The following PAFAH1B2 variants were observed in gnomAD, a reference collection of about 807,000 sequenced individuals.
The protein encoded by PAFAH1B2 is platelet-activating factor acetylhydrolase IB subunit alpha2.
A neutral mutation model predicts 28.0 loss-of-function variants in PAFAH1B2; 8 were observed. The observed-to-expected ratio is 0.29, with a 90% CI of 0.17 to 0.52. The LOEUF (loss-of-function observed/expected upper bound fraction) is 0.52, where lower values mean the gene tolerates loss of function less well. Ranked by LOEUF, PAFAH1B2 falls within the 20% of genes least tolerant of loss-of-function variation. PAFAH1B2 has a pLI of 0.97. For synonymous variants in PAFAH1B2, 104 were observed against 103.2 expected, an observed-to-expected ratio of 1.01 and a Z score of -0.05; for missense variants, 190 against 282.6, an observed-to-expected ratio of 0.67 and a Z score of 2.35.
In PAFAH1B2 at chr11:117,168,007, C is replaced by T. The variant is rs578119156; in HGVS notation, c.*308C>T. On this transcript the variant is annotated 3_prime_UTR_variant, in exon 6 of 6. Transcript: ENST00000527958. The stretch of plus-strand genomic sequence containing the variant: ...ACTGTTTTCTTGGGACAACATCAAG[C>T]CTAAATACTGAACAATATGAAGATT... The T allele has an allele frequency of 9.3e-5, 100 of 1,077,408 alleles. No homozygotes were observed. The African/African-American group carries it at 1.6e-3, about 17-fold the overall frequency. The allele number at this position is 1,077,408 out of a possible 1,614,324, so 66.7% of individuals were successfully genotyped here.
At chr11:117,162,486 T>A (rs1456732681) in intron 4 of PAFAH1B2, among the ~76,000 whole-genome samples, 3 of 147,394 alleles carry the variant, frequency 2.0e-5, no homozygotes, top group Non-Finnish European at 4.5e-5. Flanking sequence ...ACTTGATGGA[T>A]CAGCGTGGTG....
At position 117,168,446 on chromosome 11, in the gene PAFAH1B2, G is replaced by GTTTGTT. The variant is rs55659804; in HGVS notation, c.*750_*751insGTTTTT. The GTTTGTT allele has an allele frequency of 3.9e-3, 929 of 235,522 alleles. 2 individuals carry two copies. The highest frequency in any genetic ancestry group is 0.012 in the East Asian group (71 of 5,730). 14.6% of individuals were successfully genotyped at this position (235,522 alleles called of 1,614,324 possible). A position where few individuals can be genotyped will look rare whatever the true frequency, so the allele number is the denominator to read the frequency against. Reference sequence around the variant, plus strand: ...TCCCCTTCATTCCCCCCGCCACCCCGTTTTTTTTTTTTTTTTTTTTTTTTT... The same window carrying GTTTGTT: ...TCCCCTTCATTCCCCCCGCCACCCCGTTTGTTTTTTTTTTTTTTTTTTTTTTTTTTT... On this transcript the variant is annotated 3_prime_UTR_variant, in exon 6 of 6. Coordinates refer to ENST00000527958, the MANE Select transcript of PAFAH1B2 (RefSeq NM_002572.4).
chr11:117,167,460 C>G lies in PAFAH1B2; in HGVS notation c.451C>G (p.Gln151Glu). 1 of 1,598,848 alleles carries G rather than the reference C, an allele frequency of 6.3e-7. No individual in the cohort carries two copies. The highest frequency in any genetic ancestry group is 8.6e-7 in the Non-Finnish European group (1 of 1,169,530). ...AGGTGAGAAACCCAATCCTTTGAGG[C>G]AAAAGAACGCCAAGGTGAACCAACT... Reference protein sequence around the residue: ...PRGEKPNPLRQKNAKVNQLLK... With the variant: ...PRGEKPNPLREKNAKVNQLLK... The change falls in exon 6 of 6, where the codon CAA (glutamine) becomes GAA (glutamate). Residue 151 changes from glutamine to glutamate, a missense_variant. Physicochemically the swap from Gln to Glu is conservative, Grantham distance 29. Transcript: ENST00000527958.
intron 2 of PAFAH1B2, among the ~76,000 whole-genome samples, chr11:117,156,933 C>A (rs1956267371): frequency 1.3e-5 from 2 of 151,874 alleles, no homozygotes; most frequent in Admixed American, 1.3e-4. Context: ...CCCTCCCCAG[C>A]CTGAGCCTGG....
Position 117,154,201 on chromosome 11 carries a change from A to G in PAFAH1B2, c.81+1673A>G, listed in dbSNP as rs774175517. On this transcript the variant is annotated intron_variant, in intron 2 of 5. Transcript: ENST00000527958. ...GATCATTTATACCTTTATGAATAGT[A>G]ACTAGGCCAGGAGTAGTGACTCACA... 4.9e-4 allele frequency among the ~76,000 whole-genome samples: 75 copies of G among 152,188 alleles called. 1 individual carries two copies. Among genetic ancestry groups the G allele is most frequent in the Admixed American group, 3.0e-3 (46 of 15,264 alleles).
chr11:117,167,555 G>A lies in PAFAH1B2; in HGVS notation c.546G>A (p.Ser182=), dbSNP rs756569537. The A allele has an allele frequency of 8.1e-6, 13 of 1,612,948 alleles. No individual in the cohort carries two copies. The highest frequency in any genetic ancestry group is 5.5e-5 in the South Asian group (5 of 90,682). Residue 182 remains serine, a synonymous_variant, in exon 6 of 6, where the codon TCG becomes TCA. Transcript: ENST00000527958. Reference sequence around the variant, plus strand: ...ATACCGACGGGGGTTTTGTGCACTCGGACGGTGCCATCTCCTGCCACGACA... The same window carrying A: ...ATACCGACGGGGGTTTTGTGCACTCAGACGGTGCCATCTCCTGCCACGACA... ...LLDTDGGFVH[S]DGAISCHDMF...
At chr11:117,171,102 G>A, downstream of PAFAH1B2, 2 of 1,007,322 alleles carry the variant, frequency 2.0e-6, no homozygotes. Flanking sequence ...GAAAAAAAGG[G>A]ATGGTTTTTC....
At chr11:117,147,948 A>T (rs1172417659) in intron 1 of PAFAH1B2, among the ~76,000 whole-genome samples, 1 of 152,110 alleles carries the variant, frequency 6.6e-6, no homozygotes, top group Non-Finnish European at 1.5e-5. Context: ...TTGAGATGGA[A>T]GTGTTTTGCT....
Position 117,171,021 on chromosome 11 carries a change from A to G in PAFAH1B2, c.*3322A>G, listed in dbSNP as rs889545521. 8 of 1,036,470 alleles carry G rather than the reference A, an allele frequency of 7.7e-6. No individual in the cohort carries two copies. The highest frequency in any genetic ancestry group is 5.7e-5 in the Admixed American group (1 of 17,682). 64.2% of individuals were successfully genotyped at this position (1,036,470 alleles called of 1,614,324 possible). Reference sequence around the variant, plus strand: ...TCATTCTGTTTTAGTGTATATTTCAATATAAATGTAAACATTTTGCTCAAT... The same window carrying G: ...TCATTCTGTTTTAGTGTATATTTCAGTATAAATGTAAACATTTTGCTCAAT... On this transcript the variant is annotated 3_prime_UTR_variant, in exon 6 of 6. Coordinates refer to ENST00000527958, the MANE Select transcript of PAFAH1B2 (RefSeq NM_002572.4).
downstream of PAFAH1B2, among the ~76,000 whole-genome samples, chr11:117,174,718 T>A (rs1169652802): frequency 6.6e-6 from 1 of 152,140 alleles, no homozygotes; most frequent in Non-Finnish European, 1.5e-5. Flanking sequence ...TCTCAGGTGA[T>A]CCGTCCACCT....
chr11:117,175,777 A>T, downstream of PAFAH1B2: 1 of 1,095,512 alleles, frequency 9.1e-7, no homozygotes, highest in Non-Finnish European at 1.3e-6. Context: ...CCCCAAAGTT[A>T]TGAGGCCAAC....
rs769612359 is a variant in PAFAH1B2, at chr11:117,167,529, G to T, written c.520G>T (p.Asp174Tyr). Residue 174 changes from aspartate (D) to tyrosine (Y), a missense_variant, in exon 6 of 6, where the codon GAT (aspartate) becomes TAT (tyrosine). By Grantham distance (160) the Asp-to-Tyr change is radical (BLOSUM62 -3). Transcript: ENST00000527958. The part of the protein sequence containing the change: ...LPKLANVQLL[D>Y]TDGGFVHSDG... The stretch of plus-strand genomic sequence containing the variant: ...GAAGCTTGCCAACGTGCAGCTCCTG[G>T]ATACCGACGGGGGTTTTGTGCACTC... 6.2e-7 allele frequency: 1 copy of T among 1,613,226 alleles called. No homozygotes were observed. Among genetic ancestry groups the T allele is most frequent in the South Asian group, 1.1e-5 (1 of 90,792 alleles).
In PAFAH1B2 at chr11:117,148,055, TC is replaced by T. The variant is rs67102012; in HGVS notation, c.-8+3638del. 2.7e-5 allele frequency among the ~76,000 whole-genome samples: 4 copies of T among 149,078 alleles called. No individual in the cohort carries two copies. In the South Asian group the frequency reaches 6.4e-4, roughly 24 times the overall value. On this transcript the variant is annotated intron_variant, in intron 1 of 5. Coordinates refer to ENST00000527958, the MANE Select transcript of PAFAH1B2 (RefSeq NM_002572.4). ...GAATTTATCTTTTTTCTTTTTTTTTTCTTTTTTTTTTTTTTAGATGGAGTCT... is the reference window on the plus strand; with the variant it reads ...GAATTTATCTTTTTTCTTTTTTTTTTTTTTTTTTTTTTTTAGATGGAGTCT...
chr11:117,149,004 A>G (rs1180815275), intron 1 of PAFAH1B2, among the ~76,000 whole-genome samples: 1 of 147,792 alleles, frequency 6.8e-6, no homozygotes, highest in Non-Finnish European at 1.5e-5. Flanking sequence ...AGTAGCTGGG[A>G]TTACAGGCAC....
chr11:117,175,066 CT>C, downstream of PAFAH1B2: 2 of 1,300,468 alleles, frequency 1.5e-6, no homozygotes, highest in Non-Finnish European at 2.0e-6. Flanking sequence ...GGTCCCATTT[CT>C]TTGGTCCATT....
intron 1 of PAFAH1B2, among the ~76,000 whole-genome samples, chr11:117,147,386 C>G (rs1956038377): frequency 1.3e-5 from 2 of 152,168 alleles, no homozygotes; most frequent in African/African-American, 2.4e-5. Context: ...TTTGTAGAGA[C>G]ACAGTTTCAC....
At chr11:117,152,254 A>T (rs183905271) in intron 1 of PAFAH1B2, among the ~76,000 whole-genome samples, 187 bp from the exon 2 acceptor site, 1 of 152,310 alleles carries the variant, frequency 6.6e-6, no homozygotes, top group East Asian at 1.9e-4. Context: ...TGCTATCTTT[A>T]TGGGACTTAG....
chr11:117,151,254 G>T (rs1956144518), intron 1 of PAFAH1B2, among the ~76,000 whole-genome samples: 1 of 142,578 alleles, frequency 7.0e-6, no homozygotes, highest in Non-Finnish European at 1.5e-5. Flanking sequence ...TTTTGAGATG[G>T]AGTCTGGCTC....
intron 4 of PAFAH1B2, among the ~76,000 whole-genome samples, chr11:117,162,894 T>C (rs1956407526): frequency 6.6e-6 from 1 of 152,196 alleles, no homozygotes; most frequent in African/African-American, 2.4e-5. Context: ...GGCATGATCA[T>C]GGCTTACTTG....
Sources: gnomAD v4.1 joint callset for allele counts (sites outside exome capture counted in the v4.1 genomes callset) on GRCh38, gnomAD v4.1.1 for gene constraint, MANE v1.5 for transcripts, NCBI Gene and HGNC (gene_info 2026-07-23, HGNC 2026-07-21) for gene names.